RHPN2: variants seen among roughly 807,000 people sequenced by gnomAD.
The protein encoded by RHPN2 is rhophilin-2.
In RHPN2, 40 loss-of-function variants were observed where a neutral mutation model predicts 79.0. That is an observed-to-expected ratio of 0.51 (90% CI 0.39 to 0.66). The LOEUF (loss-of-function observed/expected upper bound fraction) is 0.66, where lower values mean the gene tolerates loss of function less well. Among genes scored for constraint, RHPN2 ranks in the 30% least tolerant of loss-of-function variants. The pLI is 0.00. For missense variants in RHPN2, 686 were observed against 883.5 expected (o/e 0.78, Z 2.83); for synonymous variants, 285 against 363.5 (o/e 0.78, Z 2.46).
intron 13 of RHPN2, among the ~76,000 whole-genome samples, chr19:32,991,606 C>T (rs146098681): frequency 8.5e-4 from 129 of 152,136 alleles, no homozygotes; most frequent in Non-Finnish European, 1.3e-3. Flanking sequence ...TGCACGATCG[C>T]GACTCACTGC....
intron 4 of RHPN2, among the ~76,000 whole-genome samples, chr19:33,020,925 G>A (rs1311089654): frequency 6.6e-6 from 1 of 152,168 alleles, no homozygotes; most frequent in Non-Finnish European, 1.5e-5. Context: ...GAAGAATTGA[G>A]TACACAGGAG....
chr19:33,038,397 G>C (rs1331459998), intron 2 of RHPN2, among the ~76,000 whole-genome samples: 5 of 152,072 alleles, frequency 3.3e-5, no homozygotes, highest in Admixed American at 1.3e-4. Context: ...GCTGCAGTGA[G>C]CTGTGATCAT....
chr19:33,046,420 C>A (rs1003465290), intron 1 of RHPN2, among the ~76,000 whole-genome samples: 2 of 151,982 alleles, frequency 1.3e-5, no homozygotes, highest in African/African-American at 4.8e-5. Flanking sequence ...CGTGCACCAC[C>A]ATGACCAGAT....
intron 6 of RHPN2, among the ~76,000 whole-genome samples, chr19:33,010,600 G>C (rs2145237351): frequency 6.6e-6 from 1 of 152,098 alleles, no homozygotes; most frequent in South Asian, 2.1e-4. Context: ...GGACAGGCTG[G>C]TCTCGAACTC....
chr19:33,022,647 T>C (rs1971934260), intron 3 of RHPN2, among the ~76,000 whole-genome samples: 1 of 152,122 alleles, frequency 6.6e-6, no homozygotes, highest in Non-Finnish European at 1.5e-5. Flanking sequence ...CCTACATTCC[T>C]AGGGGCAGGG....
intron 1 of RHPN2, among the ~76,000 whole-genome samples, chr19:33,054,214 T>C (rs2145270560): frequency 6.7e-6 from 1 of 149,706 alleles, no homozygotes; most frequent in Admixed American, 6.7e-5. Context: ...TTTTTTTTTT[T>C]TGAGACAGAA....
At chr19:33,040,231 C>CT (rs1007486362) in intron 2 of RHPN2, among the ~76,000 whole-genome samples, 4,788 of 97,640 alleles carry the variant, frequency 0.049, 131 homozygotes, top group African/African-American at 0.072. Flanking sequence ...GGCAACCTGC[C>CT]TTTTTTTTTT....
rs561046421 is a variant in RHPN2, at chr19:33,038,574, C to T, written c.185+5675G>A. On this transcript the variant is annotated intron_variant, in intron 2 of 14. Transcript: ENST00000254260. ...CATGATTGCAGCTCATTACAACCTCCGTCCCCCTGGTTCAAGCAATTCTCC... is the reference window on the plus strand; with the variant it reads ...CATGATTGCAGCTCATTACAACCTCTGTCCCCCTGGTTCAAGCAATTCTCC... 2.9e-4 allele frequency among the ~76,000 whole-genome samples: 44 copies of T among 151,544 alleles called. No individual in the cohort carries two copies. In the East Asian group the frequency reaches 7.4e-3, roughly 26 times the overall value.
rs766246265 is a variant in RHPN2, at chr19:33,044,249, T to C, written c.185A>G (p.Lys62Arg). 3.7e-6 allele frequency: 6 copies of C among 1,611,976 alleles called. No homozygotes were observed. The South Asian group carries it at 6.6e-5, about 18-fold the overall frequency. The change falls in exon 2 of 15, where the codon AAA becomes AGA. Residue 62 changes from lysine (K) to arginine (R), a missense_variant and splice_region_variant. Coordinates refer to ENST00000254260, the MANE Select transcript of RHPN2 (RefSeq NM_033103.5). ...GGCAGGGAAGCCAGAAGACACCTACTTCAGAAGGTTTTCCGCTCCGGTCCT... is the reference window on the plus strand; with the variant it reads ...GGCAGGGAAGCCAGAAGACACCTACCTCAGAAGGTTTTCCGCTCCGGTCCT... Reference protein sequence around the residue: ...RMRTGAENLLKVATNSKVREQ... With the variant: ...RMRTGAENLLRVATNSKVREQ...
rs1971807111 is a variant in RHPN2 at position 33,008,045 on chromosome 19, C to T, written c.729G>A (p.Glu243=). 1 of 1,612,976 alleles carries T rather than the reference C, an allele frequency of 6.2e-7. No homozygotes were observed. Among genetic ancestry groups the T allele is most frequent in the East Asian group, 2.2e-5 (1 of 44,852 alleles). ...RCDRQTQAGL[E]SAIDAFQRAA... The stretch of plus-strand genomic sequence containing the variant: ...CTCTCTGAAAGGCATCTATGGCACT[C>T]TCCAGCCCAGCCTGCGTCTGCCGAT... The change falls in exon 7 of 15, where the codon GAG becomes GAA. Residue 243 remains glutamate, a synonymous_variant. Transcript: ENST00000254260.
chr19:33,012,872 C>G, intron 4 of RHPN2, 148 bp from the exon 5 acceptor site: 1 of 636,154 alleles, frequency 1.6e-6, no homozygotes, highest in Non-Finnish European at 2.8e-6. Context: ...AATTTATTTT[C>G]TTAATTTATG....
intron 10 of RHPN2, chr19:32,996,505 A>G: frequency 2.1e-6 from 1 of 477,728 alleles, no homozygotes; most frequent in East Asian, 4.2e-5. Flanking sequence ...CAAACTGCTG[A>G]TAAGATACTG....
chr19:33,063,255 A>G (rs953697025), intron 1 of RHPN2, among the ~76,000 whole-genome samples: 6 of 150,736 alleles, frequency 4.0e-5, no homozygotes, highest in Admixed American at 2.7e-4. Flanking sequence ...AAACTTAAAT[A>G]TACCTCAAAA....
Position 33,064,858 on chromosome 19 carries a change from C to G in RHPN2, c.-6G>C, listed in dbSNP as rs1018306117. On this transcript the variant is annotated 5_prime_UTR_variant, in exon 1 of 15. Coordinates refer to ENST00000254260, the MANE Select transcript of RHPN2 (RefSeq NM_033103.5). ...GGCAACAGCGCGTCGGTCATGCTAG[C>G]GGCGCGGGCGCGGAGGGCGGACGGC... 2 of 1,490,570 alleles carry G rather than the reference C, an allele frequency of 1.3e-6. No individual in the cohort carries two copies. The highest frequency in any genetic ancestry group is 2.9e-5 in the African/African-American group (2 of 68,334). The allele number at this position is 1,490,570 out of a possible 1,614,324, so 92.3% of individuals were successfully genotyped here.
chr19:33,023,031 G>A (rs1971936984), intron 3 of RHPN2, among the ~76,000 whole-genome samples: 1 of 152,118 alleles, frequency 6.6e-6, no homozygotes, highest in African/African-American at 2.4e-5. Context: ...GGTGCCTTCT[G>A]GCCTCCCTGA....
intron 1 of RHPN2, among the ~76,000 whole-genome samples, 153 bp from the exon 2 acceptor site, chr19:33,044,517 G>A (rs533804409): frequency 3.3e-5 from 5 of 152,216 alleles, no homozygotes; most frequent in East Asian, 3.9e-4. Flanking sequence ...AAGAAAAGTC[G>A]CTCATAACAA....
At chr19:33,010,485 C>T (rs144445499) in intron 6 of RHPN2, among the ~76,000 whole-genome samples, 2,027 of 144,212 alleles carry the variant, frequency 0.014, 23 homozygotes, top group Non-Finnish European at 0.021. Flanking sequence ...CGGGTTCAGG[C>T]GATTCTCCTG....
At chr19:33,061,507 G>A (rs1454444005) in intron 1 of RHPN2, among the ~76,000 whole-genome samples, 3 of 148,542 alleles carry the variant, frequency 2.0e-5, no homozygotes, top group Non-Finnish European at 3.0e-5. Flanking sequence ...GCAGGGGTAC[G>A]GAGTCTCACT....
chr19:33,062,684 C>A (rs1359738438), intron 1 of RHPN2, among the ~76,000 whole-genome samples: 1 of 151,336 alleles, frequency 6.6e-6, no homozygotes, highest in Admixed American at 6.6e-5. Flanking sequence ...GGCAGAACTG[C>A]TTGAACCCCG....
Sources: allele counts gnomAD v4.1 joint callset (sites outside exome capture counted in the v4.1 genomes callset), GRCh38; gene constraint gnomAD v4.1.1; transcripts MANE v1.5; gene names NCBI Gene and HGNC (gene_info 2026-07-23, HGNC 2026-07-21).